The following SEC14L6 variants were observed in gnomAD, a reference collection of about 807,000 sequenced individuals.
SEC14L6 encodes SEC14-like protein 6.
SEC14L6 carries 40 observed loss-of-function variants against 54.1 expected under a neutral mutation model. The observed-to-expected ratio is 0.74, with a 90% confidence interval of 0.57 to 0.96. The LOEUF is 0.96. Among genes scored for constraint, SEC14L6 ranks in the 40% least tolerant of loss-of-function variants. The probability of loss-of-function intolerance (pLI) is 0.00; values close to 1 mark genes in which losing one functional copy is unlikely to be tolerated. For synonymous variants in SEC14L6, 171 were observed against 198.4 expected, an observed-to-expected ratio of 0.86 and a Z score of 1.16; for missense variants, 471 against 498.3, an observed-to-expected ratio of 0.95 and a Z score of 0.52.
intron 1 of SEC14L6, among the ~76,000 whole-genome samples, chr22:30,546,258 C>G (rs2085796554): frequency 6.6e-6 from 1 of 151,762 alleles, no homozygotes; most frequent in African/African-American, 2.4e-5. Flanking sequence ...TAGCAGGTGC[C>G]TGTAATCCCA....
intron 1 of SEC14L6, chr22:30,542,813 A>G: frequency 6.3e-7 from 1 of 1,594,710 alleles, no homozygotes; most frequent in Non-Finnish European, 8.6e-7. Context: ...TTAATCTACC[A>G]TCAAAAAGAA....
At chr22:30,532,394 C>A in intron 5 of SEC14L6, 131 bp downstream of exon 5, 1 of 1,303,524 alleles carries the variant, frequency 7.7e-7, no homozygotes, top group Non-Finnish European at 1.0e-6. Flanking sequence ...CCTCTCTGAA[C>A]CTGCATTCAC....
At chr22:30,540,229 A>T (rs2085674649) in intron 1 of SEC14L6, among the ~76,000 whole-genome samples, 1 of 152,204 alleles carries the variant, frequency 6.6e-6, no homozygotes, top group Non-Finnish European at 1.5e-5. Context: ...TGAGGCTGGA[A>T]ATGGTGATGC....
chr22:30,534,829 A>C (rs1168439454), intron 2 of SEC14L6, among the ~76,000 whole-genome samples: 2 of 152,140 alleles, frequency 1.3e-5, no homozygotes. Flanking sequence ...GTTCGAGACC[A>C]GCCTGGACAA....
At chr22:30,536,554 A>T (rs1217359676) in intron 2 of SEC14L6, among the ~76,000 whole-genome samples, 1 of 152,184 alleles carries the variant, frequency 6.6e-6, no homozygotes, top group Non-Finnish European at 1.5e-5. Flanking sequence ...GATGTTAAGC[A>T]ATTGGCCTCT....
intron 1 of SEC14L6, among the ~76,000 whole-genome samples, chr22:30,540,880 G>A (rs1427616254): frequency 1.3e-5 from 2 of 151,868 alleles, no homozygotes; most frequent in African/African-American, 2.4e-5. Context: ...TTAGCTGGGC[G>A]TGGTGGCAGG....
At chr22:30,531,435 A>AAAAGAAAAG (rs1568966667) in intron 6 of SEC14L6, among the ~76,000 whole-genome samples, 2 of 144,152 alleles carry the variant, frequency 1.4e-5, no homozygotes, top group Non-Finnish European at 3.0e-5. Context: ...GAAAAGAAAA[A>AAAAGAAAAG]AAAAACGGGC....
intron 6 of SEC14L6, among the ~76,000 whole-genome samples, chr22:30,531,635 A>G (rs1028095727): frequency 2.0e-5 from 3 of 152,168 alleles, no homozygotes; most frequent in African/African-American, 4.8e-5. Context: ...GAGGCAGAAG[A>G]ATTGCTTGAA....
At chr22:30,540,993 TG>T (rs543226509) in intron 1 of SEC14L6, among the ~76,000 whole-genome samples, 208 of 148,122 alleles carry the variant, frequency 1.4e-3, no homozygotes, top group African/African-American at 4.6e-3. Context: ...CACTCCAGCC[TG>T]GGCAACAGGG....
chr22:30,534,459 T>C (rs1465082150), intron 2 of SEC14L6, among the ~76,000 whole-genome samples: 2 of 151,822 alleles, frequency 1.3e-5, no homozygotes, highest in African/African-American at 2.4e-5. Context: ...TCACCCAGGC[T>C]GGAGTGCAGT....
chr22:30,525,386 C>T lies in SEC14L6; in HGVS notation c.1045G>A (p.Glu349Lys). Reference protein sequence around the residue: ...SQRYNAHMVPEDGILTCLQAG... With the variant: ...SQRYNAHMVPKDGILTCLQAG... ...TGGAGGCAGGTGAGAATCCCATCTT[C>T]AGGCACCATGTGGGCATTGTAGCGC... Residue 349 changes from glutamate (E) to lysine (K), a missense_variant, in exon 11 of 12, where the codon GAA becomes AAA. Transcript: ENST00000402034. 6.2e-7 allele frequency: 1 copy of T among 1,614,202 alleles called. No homozygotes were observed. The highest frequency in any genetic ancestry group is 8.5e-7 in the Non-Finnish European group (1 of 1,180,020).
chr22:30,524,733 C>A lies in SEC14L6; in HGVS notation c.*264G>T. 1 of 363,342 alleles carries A rather than the reference C, an allele frequency of 2.8e-6. No homozygotes were observed. 22.5% of individuals were successfully genotyped at this position (363,342 alleles called of 1,614,324 possible). ...CTTGGTATTGGTTGATAGAAAAAAG[C>A]CTGGGGTTTTTGCTGAGCTTGAGGT... On this transcript the variant is annotated 3_prime_UTR_variant, in exon 12 of 12. Transcript: ENST00000402034.
intron 1 of SEC14L6, among the ~76,000 whole-genome samples, chr22:30,539,103 G>A (rs377702316): frequency 1.6e-4 from 25 of 152,276 alleles, no homozygotes; most frequent in African/African-American, 5.1e-4. Context: ...CAGGCCAGGC[G>A]CGGTGGCTCA....
In SEC14L6 at chr22:30,529,288, C is replaced by T. The variant is rs1216027740; in HGVS notation, c.580+1G>A. ...TGCATATCCTGGGCTGCTTTACTCACCTCTCACAACAATTAAACTCTTCAA... is the reference window on the plus strand; with the variant it reads ...TGCATATCCTGGGCTGCTTTACTCATCTCTCACAACAATTAAACTCTTCAA... On this transcript the variant is annotated splice_donor_variant, in intron 7 of 11. Coordinates refer to ENST00000402034, the MANE Select transcript of SEC14L6 (RefSeq NM_001193336.4). LOFTEE classifies it high-confidence loss of function. 3.2e-6 allele frequency: 5 copies of T among 1,550,506 alleles called. No individual in the cohort carries two copies. Among genetic ancestry groups the T allele is most frequent in the Non-Finnish European group, 4.4e-6 (5 of 1,146,908 alleles).
At chr22:30,528,993 A>T in intron 8 of SEC14L6, 94 bp downstream of exon 8, 1 of 1,135,474 alleles carries the variant, frequency 8.8e-7, no homozygotes, top group Non-Finnish European at 1.3e-6. Flanking sequence ...TGGGTGCCCT[A>T]CACCTTCGGA....
chr22:30,539,551 A>G (rs999648501), intron 1 of SEC14L6, among the ~76,000 whole-genome samples: 3 of 152,348 alleles, frequency 2.0e-5, no homozygotes, highest in African/African-American at 7.2e-5. Flanking sequence ...GATAAAGTGC[A>G]CAGAGTCTGA....
At chr22:30,539,875 G>A (rs1197446985) in intron 1 of SEC14L6, among the ~76,000 whole-genome samples, 2 of 152,168 alleles carry the variant, frequency 1.3e-5, no homozygotes, top group South Asian at 2.1e-4. Flanking sequence ...CTGGCCCTGG[G>A]CCCACCCTGC....
chr22:30,524,908 G>A lies in SEC14L6; in HGVS notation c.*89C>T. 2 of 724,152 alleles carry A rather than the reference G, an allele frequency of 2.8e-6. No homozygotes were observed. Among genetic ancestry groups the A allele is most frequent in the Admixed American group, 4.1e-5 (2 of 48,574 alleles). The allele number at this position is 724,152 out of a possible 1,614,324, so 44.9% of individuals were successfully genotyped here. A position where few individuals can be genotyped will look rare whatever the true frequency, so the allele number is the denominator to read the frequency against. ...GCTGTTGTAGAATCCCTGTTCCTGA[G>A]AGGTTGAACAGGGTCTGGCCAGGGA... is the stretch of plus-strand genomic sequence containing the variant. On this transcript the variant is annotated 3_prime_UTR_variant, in exon 12 of 12. Transcript: ENST00000402034.
At chr22:30,529,211 G>A (rs1200127546) in intron 7 of SEC14L6, 41 bp from the exon 8 acceptor site, 2 of 1,547,886 alleles carry the variant, frequency 1.3e-6, no homozygotes, top group Admixed American at 3.9e-5. Flanking sequence ...GCGGCTGGCT[G>A]GGGTCTCAGG....
Sources: gnomAD v4.1 joint callset for allele counts (sites outside exome capture counted in the v4.1 genomes callset) on GRCh38, gnomAD v4.1.1 for gene constraint, MANE v1.5 for transcripts, NCBI Gene and HGNC (gene_info 2026-07-23, HGNC 2026-07-21) for gene names.